PCDH12: variants seen among roughly 807,000 people sequenced by gnomAD.
The protein encoded by PCDH12 is protocadherin 12, also known as protocadherin-12.
PCDH12 carries 45 observed loss-of-function variants against 70.9 expected under a neutral mutation model. That is an observed-to-expected ratio of 0.63 (90% CI 0.50 to 0.81). The LOEUF (loss-of-function observed/expected upper bound fraction) is 0.81, where lower values mean the gene tolerates loss of function less well. Ranked by LOEUF, PCDH12 falls within the 40% of genes least tolerant of loss-of-function variation. The pLI is 0.00. For synonymous variants in PCDH12, 567 were observed against 626.0 expected (o/e 0.91, Z 1.41); for missense variants, 1,370 against 1,491.7 (o/e 0.92, Z 1.34).
intron 2 of PCDH12, among the ~76,000 whole-genome samples, chr5:141,951,091 C>T (rs192756095): frequency 3.9e-5 from 6 of 152,280 alleles, no homozygotes; most frequent in African/African-American, 1.2e-4. Context: ...CAAAGGGACA[C>T]GCCCACACAG....
chr5:141,945,612 G>A lies in PCDH12; in HGVS notation c.3324C>T (p.Thr1108=). 1 of 1,614,238 alleles carries A rather than the reference G, an allele frequency of 6.2e-7. No homozygotes were observed. The highest frequency in any genetic ancestry group is 8.5e-7 in the Non-Finnish European group (1 of 1,180,052). ...GCAGTGAGCTCATCTCCGAGACAAA[G>A]GTGCTGGCCAGCCTCGTGCCTGTTG... ...LSPTGTRLAS[T]FVSEMSSLLE... is the part of the protein sequence containing the mutation. Residue 1108 remains threonine, a synonymous_variant, in exon 4 of 4, where the codon ACC becomes ACT. Coordinates refer to ENST00000231484, the MANE Select transcript of PCDH12 (RefSeq NM_016580.4).
At chr5:141,954,210 C>T (rs1052357929) in intron 1 of PCDH12, among the ~76,000 whole-genome samples, 15 of 152,196 alleles carry the variant, frequency 9.9e-5, no homozygotes, top group Admixed American at 7.2e-4. Flanking sequence ...ATCTGCCTAA[C>T]TGCTAAGTTC....
In PCDH12 at chr5:141,956,866, G is replaced by A. The variant is rs766711726; in HGVS notation, c.986C>T (p.Pro329Leu). 2.5e-6 allele frequency: 4 copies of A among 1,614,192 alleles called. No homozygotes were observed. The South Asian group carries it at 4.4e-5, about 18-fold the overall frequency. Residue 329 changes from proline (P) to leucine (L), a missense_variant, in exon 1 of 4, where the codon CCC becomes CTC. Physicochemically the swap from Pro to Leu is moderately conservative, Grantham distance 98. Transcript: ENST00000231484. ...EVDVQARDLG[P>L]NPIPAHCKVL... Reference sequence around the variant, plus strand: ...TTTGCAATGGGCTGGGATAGGATTGGGACCCAGGTCCCTTGCCTGAACATC... The same window carrying A: ...TTTGCAATGGGCTGGGATAGGATTGAGACCCAGGTCCCTTGCCTGAACATC...
Position 141,955,569 on chromosome 5 carries a change from C to A in PCDH12, c.2283G>T (p.Gln761His). The part of the protein sequence containing the change: ...NCREAESTYR[Q>H]QPKRPQKHIQ... The stretch of plus-strand genomic sequence containing the variant: ...TGTGTTTCTGGGGCCTCTTGGGCTG[C>A]TGGCGGTAGGTGGACTCGGCCTCCC... Residue 761 changes from glutamine to histidine, a missense_variant, in exon 1 of 4, where the codon CAG becomes CAT. Transcript: ENST00000231484. The surrounding 1 kb of genome is among the most constrained non-coding windows in gnomAD (Gnocchi z 5.5). 6.2e-7 allele frequency: 1 copy of A among 1,614,202 alleles called. No homozygotes were observed. The highest frequency in any genetic ancestry group is 8.5e-7 in the Non-Finnish European group (1 of 1,180,032).
chr5:141,956,589 C>A lies in PCDH12; in HGVS notation c.1263G>T (p.Glu421Asp). 6.2e-7 allele frequency: 1 copy of A among 1,614,212 alleles called. No homozygotes were observed. Among genetic ancestry groups the A allele is most frequent in the Non-Finnish European group, 8.5e-7 (1 of 1,180,038 alleles). Residue 421 changes from glutamate to aspartate, a missense_variant, in exon 1 of 4, where the codon GAG (glutamate) becomes GAT (aspartate). Physicochemically the swap from Glu to Asp is conservative, Grantham distance 45 (BLOSUM62 2). Coordinates refer to ENST00000231484, the MANE Select transcript of PCDH12 (RefSeq NM_016580.4). ...GAGTGAGGGTATATTTGGGCCACTG[C>A]TCTCTGTCCAGTGTGGCATTGGTTA... ...MLLTNATLDR[E>D]QWPKYTLTLL...
At position 141,955,926 on chromosome 5, in the gene PCDH12, A is replaced by G; in HGVS notation, c.1926T>C (p.Asn642=). ...GEPLYSIRSG[N]EAHLFILNPH... ...GGTTGAGGATGAAGAGGTGGGCTTCATTTCCACTGCGGATGCTGTAGAGGG... is the reference window on the plus strand; with the variant it reads ...GGTTGAGGATGAAGAGGTGGGCTTCGTTTCCACTGCGGATGCTGTAGAGGG... The change falls in exon 1 of 4, where the codon AAT becomes AAC. Residue 642 remains asparagine, a synonymous_variant. Transcript: ENST00000231484. The surrounding 1 kb of genome is among the most constrained non-coding windows in gnomAD (Gnocchi z 5.5). 1 of 1,614,162 alleles carries G rather than the reference A, an allele frequency of 6.2e-7. No individual in the cohort carries two copies. Among genetic ancestry groups the G allele is most frequent in the South Asian group, 1.1e-5 (1 of 91,078 alleles).
intron 3 of PCDH12, among the ~76,000 whole-genome samples, chr5:141,948,658 G>A (rs1252511521): frequency 1.3e-5 from 2 of 152,222 alleles, no homozygotes; most frequent in Non-Finnish European, 2.9e-5. Context: ...ACGCCAATGA[G>A]TGGTAAGAAG....
intron 3 of PCDH12, among the ~76,000 whole-genome samples, chr5:141,949,017 C>T (rs1326639848): frequency 6.7e-6 from 1 of 149,272 alleles, no homozygotes; most frequent in African/African-American, 2.5e-5. Flanking sequence ...AGTTGGAGAC[C>T]AGCCTGGGCA....
At chr5:141,949,681 A>T in intron 2 of PCDH12, 98 bp from the exon 3 acceptor site, 12 of 1,423,868 alleles carry the variant, frequency 8.4e-6, no homozygotes, top group Non-Finnish European at 1.1e-5. Context: ...CCATATAGGG[A>T]ACTGGATACA....
intron 1 of PCDH12, among the ~76,000 whole-genome samples, chr5:141,954,372 T>C (rs1320212254): frequency 6.6e-6 from 1 of 152,158 alleles, no homozygotes; most frequent in Non-Finnish European, 1.5e-5. Flanking sequence ...GGCAGGCAAA[T>C]AGTGGAGATG....
intron 1 of PCDH12, 51 bp from the exon 2 acceptor site, chr5:141,951,641 C>A (rs1163817073): frequency 7.6e-7 from 1 of 1,309,884 alleles, no homozygotes; most frequent in East Asian, 2.3e-5. Flanking sequence ...ACTCAGCACA[C>A]TTCCTCGCCG....
Position 141,945,468 on chromosome 5 carries a change from T to A in PCDH12, c.3468A>T (p.Ser1156=). ...CTGGGTCCCCTTGCACTTTCATGCC[T>A]GAGGCTGCACTGGTGGCCAAGTCTA... ...LSLDLATSAA[S]GMKVQGDPGG... Residue 1156 remains serine, a synonymous_variant, in exon 4 of 4, where the codon TCA becomes TCT. Transcript: ENST00000231484. 1 of 1,613,168 alleles carries A rather than the reference T, an allele frequency of 6.2e-7. No homozygotes were observed. The highest frequency in any genetic ancestry group is 8.5e-7 in the Non-Finnish European group (1 of 1,179,602).
chr5:141,957,924 C>G lies in PCDH12; in HGVS notation c.-73G>C. The stretch of plus-strand genomic sequence containing the variant: ...AGGCTGGACAAGTCCTCCAGTGTTT[C>G]CTGGATGGCTTGATCAGCCCCGTGC... On this transcript the variant is annotated 5_prime_UTR_variant, in exon 1 of 4. Transcript: ENST00000231484. This position sits in a 1 kb window ranked among gnomAD's most constrained non-coding sequence, Gnocchi z 4.3. 1.3e-6 allele frequency: 2 copies of G among 1,520,894 alleles called. No homozygotes were observed. Among genetic ancestry groups the G allele is most frequent in the Non-Finnish European group, 1.8e-6 (2 of 1,134,266 alleles). 94.2% of individuals were successfully genotyped at this position (1,520,894 alleles called of 1,614,324 possible).
chr5:141,956,432 AGTT>A lies in PCDH12; in HGVS notation c.1417_1419del (p.Asn473del). ...ATGGTAATGAGGTGAAGAGAGGGTA[AGTT>A]GTTTTCCCGCGTGGAGACTTCATAC... is the stretch of plus-strand genomic sequence containing the variant. On this transcript the variant is annotated inframe_deletion, in exon 1 of 4. Coordinates refer to ENST00000231484, the MANE Select transcript of PCDH12 (RefSeq NM_016580.4). 1 of 1,614,196 alleles carries A rather than the reference AGTT, an allele frequency of 6.2e-7. No homozygotes were observed.
chr5:141,951,521 T>G lies in PCDH12; in HGVS notation c.2950A>C (p.Lys984Gln). The change falls in exon 2 of 4, where the codon AAG (lysine) becomes CAG (glutamine). Residue 984 changes from lysine to glutamine, a missense_variant. Physicochemically the swap from Lys to Gln is moderately conservative, Grantham distance 53. Transcript: ENST00000231484. The part of the protein sequence containing the change: ...FQPKPNHRGN[K>Q]YLAKPGGSRS... Reference sequence around the variant, plus strand: ...CTGCCTCCTGGCTTGGCCAAGTACTTATTTCCTCGGTGGTTTGGTTTGGGC... The same window carrying G: ...CTGCCTCCTGGCTTGGCCAAGTACTGATTTCCTCGGTGGTTTGGTTTGGGC... 5.6e-6 allele frequency: 9 copies of G among 1,614,152 alleles called. No homozygotes were observed. The highest frequency in any genetic ancestry group is 6.8e-6 in the Non-Finnish European group (8 of 1,180,010).
rs140436253 is a variant in PCDH12 at position 141,957,473 on chromosome 5, C to G, written c.379G>C (p.Asp127His). 8.4e-5 allele frequency: 136 copies of G among 1,612,782 alleles called. No individual in the cohort carries two copies. The highest frequency in any genetic ancestry group is 1.1e-4 in the Non-Finnish European group (131 of 1,179,404). The change falls in exon 1 of 4, where the codon GAC (aspartate) becomes CAC (histidine). Residue 127 changes from aspartate (D) to histidine (H), a missense_variant. By Grantham distance (81) the Asp-to-His change is moderately conservative. Coordinates refer to ENST00000231484, the MANE Select transcript of PCDH12 (RefSeq NM_016580.4). This position sits in a 1 kb window ranked among gnomAD's most constrained non-coding sequence, Gnocchi z 4.3. ...AACCGTGGCTGGTGGTCATTGATGT[C>G]CAGCACTTGGATCTCCACATGGATC... ...ALIHVEIQVL[D>H]INDHQPRFPK... is the part of the protein sequence containing the mutation.
chr5:141,957,200 C>T lies in PCDH12; in HGVS notation c.652G>A (p.Asp218Asn), dbSNP rs755982022. Residue 218 changes from aspartate (D) to asparagine (N), a missense_variant, in exon 1 of 4, where the codon GAC (aspartate) becomes AAC (asparagine). Coordinates refer to ENST00000231484, the MANE Select transcript of PCDH12 (RefSeq NM_016580.4). This position sits in a 1 kb window ranked among gnomAD's most constrained non-coding sequence, Gnocchi z 4.3. Reference protein sequence around the residue: ...SFFDLVLTAYDNGNPPKSGTS... With the variant: ...SFFDLVLTAYNNGNPPKSGTS... ...CCTGACTTGGGGGGGTTCCCATTGTCATAGGCAGTTAACACCAGATCAAAA... is the reference window on the plus strand; with the variant it reads ...CCTGACTTGGGGGGGTTCCCATTGTTATAGGCAGTTAACACCAGATCAAAA... 1.2e-6 allele frequency: 2 copies of T among 1,614,072 alleles called. No homozygotes were observed. Among genetic ancestry groups the T allele is most frequent in the Non-Finnish European group, 1.7e-6 (2 of 1,180,046 alleles).
intron 1 of PCDH12, among the ~76,000 whole-genome samples, chr5:141,952,066 T>C (rs1753094933): frequency 6.6e-6 from 1 of 152,234 alleles, no homozygotes; most frequent in South Asian, 2.1e-4. Context: ...CATTTATTCA[T>C]CTTTTCATTC....
chr5:141,954,555 G>T (rs148151914), intron 1 of PCDH12, among the ~76,000 whole-genome samples: 1 of 152,314 alleles, frequency 6.6e-6, no homozygotes, highest in African/African-American at 2.4e-5. Context: ...TTCCTCTGTG[G>T]TTCAGAGCTA....
Sources: allele counts gnomAD v4.1 joint callset (sites outside exome capture counted in the v4.1 genomes callset), GRCh38; gene constraint gnomAD v4.1.1; non-coding constraint Gnocchi (gnomAD v3.1); transcripts MANE v1.5; gene names NCBI Gene and HGNC (gene_info 2026-07-23, HGNC 2026-07-21).